The following MYRIP variants were observed in gnomAD, a reference collection of about 807,000 sequenced individuals.
MYRIP encodes the protein rab effector MyRIP.
In MYRIP, 49 loss-of-function variants were observed where a neutral mutation model predicts 98.0. The observed-to-expected ratio is 0.50, with a 90% CI of 0.40 to 0.63. The LOEUF (loss-of-function observed/expected upper bound fraction) is 0.63, where lower values mean the gene tolerates loss of function less well. Among genes scored for constraint, MYRIP ranks in the 30% least tolerant of loss-of-function variants. MYRIP has a pLI of 0.00. For missense variants in MYRIP, 1,004 were observed against 1,058.2 expected, an observed-to-expected ratio of 0.95 and a Z score of 0.71; for synonymous variants, 404 against 409.5, an observed-to-expected ratio of 0.99 and a Z score of 0.16.
chr3:40,002,515 A>G (rs1042179195), intron 2 of MYRIP, among the ~76,000 whole-genome samples: 1 of 152,094 alleles, frequency 6.6e-6, no homozygotes, highest in African/African-American at 2.4e-5. Flanking sequence ...AGCCTGGGCA[A>G]CAAGAGCAAG....
chr3:39,830,841 C>T (rs1260970369), intron 1 of MYRIP, among the ~76,000 whole-genome samples: 2 of 152,076 alleles, frequency 1.3e-5, no homozygotes, highest in Non-Finnish European at 2.9e-5. Flanking sequence ...AGAAAAAAAA[C>T]TGCTAAAAAA....
At chr3:39,977,863 C>CA (rs1188360533) in intron 2 of MYRIP, among the ~76,000 whole-genome samples, 1 of 152,122 alleles carries the variant, frequency 6.6e-6, no homozygotes, top group Admixed American at 6.5e-5. Context: ...CACCACCTTG[C>CA]AATATAAGGG....
chr3:40,125,149 C>A (rs1365709084), intron 3 of MYRIP, among the ~76,000 whole-genome samples: 1 of 152,218 alleles, frequency 6.6e-6, no homozygotes, highest in Non-Finnish European at 1.5e-5. Context: ...GGCTTTGCAG[C>A]CAGATGGAGC....
At chr3:39,983,014 T>C (rs1945932700) in intron 2 of MYRIP, among the ~76,000 whole-genome samples, 1 of 152,226 alleles carries the variant, frequency 6.6e-6, no homozygotes, top group South Asian at 2.1e-4. Context: ...TAACCAAAGA[T>C]TATAATTATT....
At chr3:40,036,061 T>C (rs995925688) in intron 2 of MYRIP, among the ~76,000 whole-genome samples, 59 of 151,680 alleles carry the variant, frequency 3.9e-4, no homozygotes, top group African/African-American at 1.4e-3. Flanking sequence ...GAGGAGAAAA[T>C]AGAGCAGGAG....
intron 11 of MYRIP, among the ~76,000 whole-genome samples, chr3:40,233,213 G>T (rs1051256176): frequency 6.6e-6 from 1 of 152,218 alleles, no homozygotes; most frequent in Non-Finnish European, 1.5e-5. Flanking sequence ...ACACCTAGCT[G>T]CAAGGGAAGT....
chr3:39,964,412 G>A (rs1365976198), intron 2 of MYRIP, among the ~76,000 whole-genome samples: 1 of 152,140 alleles, frequency 6.6e-6, no homozygotes, highest in Non-Finnish European at 1.5e-5. Flanking sequence ...CCTCACAATT[G>A]TGTTTGTTAT....
chr3:40,227,021 C>T (rs1419036075), intron 11 of MYRIP, among the ~76,000 whole-genome samples: 1 of 152,220 alleles, frequency 6.6e-6, no homozygotes, highest in Non-Finnish European at 1.5e-5. Context: ...CCCGGTTGTT[C>T]TCTCTGTAGG....
intron 2 of MYRIP, among the ~76,000 whole-genome samples, chr3:39,997,241 A>G (rs954529642): frequency 6.6e-6 from 1 of 152,218 alleles, no homozygotes; most frequent in Non-Finnish European, 1.5e-5. Context: ...CAATGAATCT[A>G]GGAGCTGGTT....
intron 2 of MYRIP, among the ~76,000 whole-genome samples, chr3:39,970,767 G>A (rs981496279): frequency 6.6e-6 from 1 of 152,072 alleles, no homozygotes; most frequent in South Asian, 2.1e-4. Context: ...TAATAACATT[G>A]TGAGTAGTAA....
At chr3:40,204,139 T>TAAA (rs71622534) in intron 10 of MYRIP, among the ~76,000 whole-genome samples, 8 of 26,148 alleles carry the variant, frequency 3.1e-4, no homozygotes, top group Non-Finnish European at 6.4e-4. Flanking sequence ...ATATAATATA[T>TAAA]TATATAATAT....
chr3:39,921,994 G>C (rs897466263), intron 2 of MYRIP, among the ~76,000 whole-genome samples: 2 of 151,910 alleles, frequency 1.3e-5, no homozygotes, highest in Admixed American at 1.3e-4. Context: ...AAAAACCCTG[G>C]GGGCTCACCA....
At chr3:39,850,810 C>A (rs919649754) in intron 1 of MYRIP, among the ~76,000 whole-genome samples, 3 of 152,118 alleles carry the variant, frequency 2.0e-5, no homozygotes, top group African/African-American at 7.2e-5. Context: ...AGAAACGTAC[C>A]AGACTTTTAC....
intron 3 of MYRIP, among the ~76,000 whole-genome samples, chr3:40,149,038 A>G (rs909703533): frequency 5.9e-5 from 9 of 152,192 alleles, no homozygotes; most frequent in Admixed American, 2.0e-4. Flanking sequence ...GACTCCCCCA[A>G]TGCCAAACAA....
chr3:40,136,581 A>C (rs1949776443), intron 3 of MYRIP, among the ~76,000 whole-genome samples: 1 of 151,824 alleles, frequency 6.6e-6, no homozygotes. Context: ...CAGAATATAC[A>C]TTGTTTTCAG....
intron 3 of MYRIP, among the ~76,000 whole-genome samples, chr3:40,142,343 G>T (rs749433012): frequency 6.6e-6 from 1 of 151,992 alleles, no homozygotes; most frequent in Non-Finnish European, 1.5e-5. Flanking sequence ...ATAAGCCACC[G>T]CACCCGGCCT....
At chr3:40,150,927 C>T (rs1950105199) in intron 3 of MYRIP, 121 bp from the exon 4 acceptor site, 2 of 1,009,758 alleles carry the variant, frequency 2.0e-6, no homozygotes, top group Admixed American at 3.4e-5. Flanking sequence ...ACAAGGCCCG[C>T]CCAGATTCAA....
intron 2 of MYRIP, among the ~76,000 whole-genome samples, chr3:39,992,790 T>TA (rs1047651214): frequency 3.9e-5 from 6 of 152,222 alleles, no homozygotes; most frequent in Non-Finnish European, 7.3e-5. Context: ...TCATCCTTAA[T>TA]AATGCCCAGC....
intron 3 of MYRIP, among the ~76,000 whole-genome samples, chr3:40,049,421 T>C (rs1169366358): frequency 6.6e-6 from 1 of 152,140 alleles, no homozygotes; most frequent in Non-Finnish European, 1.5e-5. Flanking sequence ...CAGTGATCTT[T>C]GATGTTACTA....
Sources: allele counts gnomAD v4.1 joint callset (sites outside exome capture counted in the v4.1 genomes callset), GRCh38; gene constraint gnomAD v4.1.1; transcripts MANE v1.5; gene names NCBI Gene and HGNC (gene_info 2026-07-23, HGNC 2026-07-21).